Variants in BCAR3 observed in about 807,000 individuals in gnomAD.
BCAR3 encodes the protein BCAR3 adaptor protein, NSP family member.
In BCAR3, 37 loss-of-function variants were observed where a neutral mutation model predicts 80.1. The observed-to-expected ratio is 0.46, with a 90% confidence interval of 0.36 to 0.61. BCAR3 has a LOEUF of 0.61. Ranked by LOEUF, BCAR3 falls within the 20% of genes least tolerant of loss-of-function variation. BCAR3 has a pLI of 0.00. For synonymous variants in BCAR3, 389 were observed against 418.9 expected (o/e 0.93, Z 0.87); for missense variants, 978 against 1,068.2 (o/e 0.92, Z 1.18).
intron 1 of BCAR3, among the ~76,000 whole-genome samples, chr1:93,675,646 G>C (rs765221606): frequency 1.3e-5 from 2 of 152,060 alleles, no homozygotes; most frequent in Non-Finnish European, 2.9e-5. Flanking sequence ...ATGCCCATGG[G>C]TGCCTGTACA....
chr1:93,583,096 G>GA, intron 6 of BCAR3, 143 bp from the exon 7 acceptor site: 1 of 1,036,162 alleles, frequency 9.7e-7, no homozygotes, highest in Non-Finnish European at 1.4e-6. Context: ...AAAATTCAGT[G>GA]TGACTGTCCC....
intron 9 of BCAR3, among the ~76,000 whole-genome samples, chr1:93,569,503 A>G (rs1673118226): frequency 6.6e-6 from 1 of 152,242 alleles, no homozygotes; most frequent in Admixed American, 6.5e-5. Flanking sequence ...TGCCTTTCTG[A>G]AAGAAGCCTC....
chr1:93,625,410 G>A (rs375427111), intron 3 of BCAR3, among the ~76,000 whole-genome samples: 2 of 152,084 alleles, frequency 1.3e-5, no homozygotes, highest in South Asian at 2.1e-4. Flanking sequence ...AGACAGGAGG[G>A]CACTGAACCA....
At chr1:93,656,546 TAAA>T (rs1270197535) in intron 2 of BCAR3, among the ~76,000 whole-genome samples, 24 of 150,400 alleles carry the variant, frequency 1.6e-4, no homozygotes, top group African/African-American at 5.4e-4. Context: ...TTTATCTTTT[TAAA>T]AAAAAATGTA....
chr1:93,713,948 G>C (rs1650108971), intron 2 of BCAR3, among the ~76,000 whole-genome samples: 1 of 152,156 alleles, frequency 6.6e-6, no homozygotes, highest in Non-Finnish European at 1.5e-5. Context: ...AGGTGGGGGA[G>C]AGGCATTTAA....
At chr1:93,790,633 C>CTTTTT (rs1653113294) in intron 2 of BCAR3, among the ~76,000 whole-genome samples, 1 of 84,202 alleles carries the variant, frequency 1.2e-5, no homozygotes, top group African/African-American at 6.4e-5. Flanking sequence ...TTTTTGTATT[C>CTTTTT]ATTTTTTTTT....
chr1:93,576,450 C>T (rs1391308505), intron 7 of BCAR3, among the ~76,000 whole-genome samples: 2 of 152,182 alleles, frequency 1.3e-5, no homozygotes, highest in Non-Finnish European at 2.9e-5. Flanking sequence ...TGACACCGGC[C>T]GGATCCTGCT....
intron 8 of BCAR3, 111 bp from the exon 9 acceptor site, chr1:93,571,952 T>A: frequency 2.3e-6 from 3 of 1,277,538 alleles, no homozygotes; most frequent in Non-Finnish European, 2.2e-6. Flanking sequence ...CCTTTTGCTC[T>A]AAAATGTGCC....
At chr1:93,652,482 A>C (rs185119810) in intron 2 of BCAR3, among the ~76,000 whole-genome samples, 2 of 152,300 alleles carry the variant, frequency 1.3e-5, no homozygotes, top group Admixed American at 1.3e-4. Flanking sequence ...AAAACATCAC[A>C]GTTGGCCCTA....
At chr1:93,668,964 A>G (rs1648064896) in intron 2 of BCAR3, among the ~76,000 whole-genome samples, 1 of 152,156 alleles carries the variant, frequency 6.6e-6, no homozygotes, top group African/African-American at 2.4e-5. Flanking sequence ...CACCTGCCTC[A>G]GCCTCCCAAA....
intron 2 of BCAR3, among the ~76,000 whole-genome samples, chr1:93,717,125 A>G (rs1315210687): frequency 1.3e-5 from 2 of 152,216 alleles, no homozygotes; most frequent in Admixed American, 6.5e-5. Context: ...TGCTGCTGCC[A>G]TGTGAATAAG....
intron 2 of BCAR3, among the ~76,000 whole-genome samples, chr1:93,744,354 T>C (rs765436441): frequency 6.6e-5 from 10 of 152,188 alleles, no homozygotes; most frequent in Non-Finnish European, 1.5e-4. Context: ...TAAATACCCA[T>C]AAAATGAGCC....
intron 2 of BCAR3, among the ~76,000 whole-genome samples, chr1:93,750,472 A>C (rs552477651): frequency 6.6e-6 from 1 of 152,228 alleles, no homozygotes; most frequent in African/African-American, 2.4e-5. Flanking sequence ...AGTCACTATG[A>C]CGGTTTTAAA....
At chr1:93,588,868 C>G in intron 5 of BCAR3, 109 bp downstream of exon 5, 1 of 1,221,984 alleles carries the variant, frequency 8.2e-7, no homozygotes, top group East Asian at 2.5e-5. Flanking sequence ...AGTCGGCATT[C>G]CTATTAACAT....
At chr1:93,693,875 A>C (rs1210692832) in intron 3 of BCAR3, among the ~76,000 whole-genome samples, 1 of 152,116 alleles carries the variant, frequency 6.6e-6, no homozygotes, top group Non-Finnish European at 1.5e-5. Flanking sequence ...TGTGGAGTGG[A>C]GCTGATAGTG....
At chr1:93,785,249 T>C (rs927592549) in intron 2 of BCAR3, among the ~76,000 whole-genome samples, 13 of 152,256 alleles carry the variant, frequency 8.5e-5, no homozygotes, top group Non-Finnish European at 1.6e-4. Context: ...CAATTTTCCA[T>C]AGTAGAATCT....
intron 2 of BCAR3, among the ~76,000 whole-genome samples, chr1:93,835,162 C>T (rs1384270752): frequency 6.6e-6 from 1 of 152,186 alleles, no homozygotes; most frequent in Non-Finnish European, 1.5e-5. Context: ...CTAAATGTGC[C>T]TTCCATGTCC....
intron 2 of BCAR3, among the ~76,000 whole-genome samples, chr1:93,674,216 G>A (rs945403717): frequency 6.6e-6 from 1 of 152,214 alleles, no homozygotes; most frequent in Non-Finnish European, 1.5e-5. Context: ...GCTGACAGGT[G>A]CATGGGAGTT....
chr1:93,685,097 C>T (rs1257798995), upstream of BCAR3, among the ~76,000 whole-genome samples: 1 of 152,232 alleles, frequency 6.6e-6, no homozygotes, highest in Non-Finnish European at 1.5e-5. Flanking sequence ...TTTGTATCCC[C>T]TGGGCCTGGC....
Sources: gnomAD v4.1 joint callset for allele counts (sites outside exome capture counted in the v4.1 genomes callset) on GRCh38, gnomAD v4.1.1 for gene constraint, MANE v1.5 for transcripts, NCBI Gene and HGNC (gene_info 2026-07-23, HGNC 2026-07-21) for gene names.